GALNT17: variants seen among roughly 807,000 people sequenced by gnomAD.
GALNT17 encodes the protein polypeptide N-acetylgalactosaminyltransferase 17.
Under a neutral mutation model 63.7 loss-of-function variants are expected in GALNT17, and 29 were observed. The observed-to-expected ratio is 0.46, with a 90% CI of 0.34 to 0.62. GALNT17 has a LOEUF of 0.62. Ranked by LOEUF, GALNT17 falls within the 20% of genes least tolerant of loss-of-function variation. The pLI is 0.01. For missense variants in GALNT17, 603 were observed against 799.6 expected, an observed-to-expected ratio of 0.75 and a Z score of 2.97; for synonymous variants, 305 against 318.3, an observed-to-expected ratio of 0.96 and a Z score of 0.45.
intron 1 of GALNT17, among the ~76,000 whole-genome samples, chr7:71,171,473 C>T (rs539590729): frequency 6.6e-6 from 1 of 152,294 alleles, no homozygotes; most frequent in South Asian, 2.1e-4. Flanking sequence ...TGCACTCTAG[C>T]CTGGGCAACA....
At chr7:71,563,699 C>A (rs1174796525) in intron 5 of GALNT17, among the ~76,000 whole-genome samples, 1 of 152,100 alleles carries the variant, frequency 6.6e-6, no homozygotes, top group Non-Finnish European at 1.5e-5. Flanking sequence ...CCAACTTAGG[C>A]TCCCAAGTAG....
At chr7:71,199,796 A>G (rs898709123) in intron 1 of GALNT17, among the ~76,000 whole-genome samples, 3 of 151,480 alleles carry the variant, frequency 2.0e-5, no homozygotes, top group Non-Finnish European at 4.4e-5. Context: ...CCATATGTAT[A>G]TTCATCCATC....
At chr7:71,605,362 C>A (rs573951659) in intron 6 of GALNT17, among the ~76,000 whole-genome samples, 1 of 151,980 alleles carries the variant, frequency 6.6e-6, no homozygotes, top group African/African-American at 2.4e-5. Flanking sequence ...CCGAGGCAGG[C>A]GGATCACAAG....
intron 3 of GALNT17, among the ~76,000 whole-genome samples, chr7:71,393,847 C>T (rs964547869): frequency 9.9e-5 from 15 of 152,282 alleles, no homozygotes; most frequent in African/African-American, 3.4e-4. Flanking sequence ...ATTCAGGCAA[C>T]ATTTGCCAGA....
chr7:71,140,975 T>G (rs1787877903), intron 1 of GALNT17, among the ~76,000 whole-genome samples: 1 of 152,054 alleles, frequency 6.6e-6, no homozygotes, highest in Admixed American at 6.6e-5. Flanking sequence ...GAGCCATGAT[T>G]GCATCACTGC....
At chr7:71,378,040 C>T (rs1010312789) in intron 2 of GALNT17, among the ~76,000 whole-genome samples, 4 of 152,162 alleles carry the variant, frequency 2.6e-5, no homozygotes, top group Non-Finnish European at 4.4e-5. Flanking sequence ...TTTGCTGGGG[C>T]TCCATAGACC....
At chr7:71,430,559 T>C (rs1037375372) in intron 5 of GALNT17, among the ~76,000 whole-genome samples, 2 of 152,208 alleles carry the variant, frequency 1.3e-5, no homozygotes, top group African/African-American at 4.8e-5. Flanking sequence ...TGCTGTATGT[T>C]AGGTGGTCCT....
At chr7:71,321,945 CT>C (rs1428590066) in intron 1 of GALNT17, among the ~76,000 whole-genome samples, 1,243 of 47,190 alleles carry the variant, frequency 0.026, 85 homozygotes, top group African/African-American at 0.088. Context: ...CCCTCCCTCC[CT>C]TCCTTCCTTC....
intron 6 of GALNT17, among the ~76,000 whole-genome samples, chr7:71,630,217 A>G (rs1790435700): frequency 6.6e-6 from 1 of 152,238 alleles, no homozygotes. Context: ...CAAAGTCACC[A>G]GGTTCACAAT....
At chr7:71,357,302 A>T (rs1792305275) in intron 2 of GALNT17, among the ~76,000 whole-genome samples, 1 of 152,086 alleles carries the variant, frequency 6.6e-6, no homozygotes, top group South Asian at 2.1e-4. Context: ...GCAGCATTAG[A>T]TTCTCATAGG....
chr7:71,388,229 C>T lies in GALNT17; in HGVS notation c.423-6C>T. The T allele has an allele frequency of 6.2e-7, 1 of 1,612,472 alleles. No homozygotes were observed. Among genetic ancestry groups the T allele is most frequent in the Non-Finnish European group, 8.5e-7 (1 of 1,178,962 alleles). ...GACTCTGCATTTCCGATCTCTCCTT[C>T]CCCAGGTGTAAGGAGCTCAAGTACT... On this transcript the variant is annotated splice_polypyrimidine_tract_variant and splice_region_variant and intron_variant, in intron 2 of 10. Transcript: ENST00000333538.
At chr7:71,226,687 C>T (rs1419377976) in intron 1 of GALNT17, among the ~76,000 whole-genome samples, 1 of 152,102 alleles carries the variant, frequency 6.6e-6, no homozygotes, top group Admixed American at 6.5e-5. Flanking sequence ...GCCATGTTGG[C>T]CAGGCTGGTC....
At chr7:71,403,888 G>A (rs918342645) in intron 3 of GALNT17, among the ~76,000 whole-genome samples, 1 of 152,116 alleles carries the variant, frequency 6.6e-6, no homozygotes, top group African/African-American at 2.4e-5. Context: ...GAAGAGATTC[G>A]CCAGCTTCTG....
chr7:71,392,223 T>C (rs1158167018), intron 3 of GALNT17, among the ~76,000 whole-genome samples: 5 of 152,024 alleles, frequency 3.3e-5, no homozygotes. Context: ...AGAGTGCAAG[T>C]AGTTTATTTG....
At chr7:71,388,493 C>G in intron 3 of GALNT17, 92 bp downstream of exon 3, 1 of 1,459,280 alleles carries the variant, frequency 6.9e-7, no homozygotes, top group Non-Finnish European at 9.3e-7. Context: ...TCTGTGTCTC[C>G]TGGTCCCTGG....
chr7:71,478,841 A>G (rs1583988240), intron 5 of GALNT17, among the ~76,000 whole-genome samples: 1 of 152,196 alleles, frequency 6.6e-6, no homozygotes, highest in Non-Finnish European at 1.5e-5. Flanking sequence ...CAAAAATTGT[A>G]CCAGTGTTAA....
intron 6 of GALNT17, among the ~76,000 whole-genome samples, chr7:71,572,140 G>A (rs1315970828): frequency 6.6e-6 from 1 of 151,818 alleles, no homozygotes; most frequent in East Asian, 1.9e-4. Context: ...GACTTGGGAA[G>A]CCGAGTCAGG....
chr7:71,353,948 A>T (rs1401429922), intron 2 of GALNT17, among the ~76,000 whole-genome samples: 1 of 152,110 alleles, frequency 6.6e-6, no homozygotes, highest in Non-Finnish European at 1.5e-5. Flanking sequence ...GCCTCAGGAA[A>T]CTTACAATTG....
rs569738437 is a variant in GALNT17 at position 71,368,428 on chromosome 7, G to A, written c.423-19807G>A. Among the ~76,000 whole-genome samples the A allele has an allele frequency of 4.0e-5, 6 of 151,728 alleles. No homozygotes were observed. The South Asian group carries it at 1.0e-3, about 26-fold the overall frequency. ...ATTTTTTTCCTAGAGAGTTTTTCCCGTCTTCCTGTCTCCCCCTTTGCAGGC... is the reference window on the plus strand; with the variant it reads ...ATTTTTTTCCTAGAGAGTTTTTCCCATCTTCCTGTCTCCCCCTTTGCAGGC... On this transcript the variant is annotated intron_variant, in intron 2 of 10. Coordinates refer to ENST00000333538, the MANE Select transcript of GALNT17 (RefSeq NM_022479.3).
Sources: allele counts gnomAD v4.1 joint callset (sites outside exome capture counted in the v4.1 genomes callset), GRCh38; gene constraint gnomAD v4.1.1; transcripts MANE v1.5; gene names NCBI Gene and HGNC (gene_info 2026-07-23, HGNC 2026-07-21).